Variants in SLC12A9 observed in about 807,000 individuals in gnomAD.
SLC12A9 encodes CCC-interacting protein 1.
SLC12A9 carries 55 observed loss-of-function variants against 66.0 expected under a neutral mutation model. The ratio of observed to expected loss-of-function variants is 0.83; its 90% CI spans 0.67 to 1.04. SLC12A9 has a LOEUF of 1.04. Ranked by LOEUF, SLC12A9 falls within the 50% of genes least tolerant of loss-of-function variation. The pLI is 0.00. For missense variants in SLC12A9, 1,061 were observed against 1,241.9 expected, an observed-to-expected ratio of 0.85 and a Z score of 2.19; for synonymous variants, 577 against 569.0, an observed-to-expected ratio of 1.01 and a Z score of -0.20.
In SLC12A9 at chr7:100,862,700, T is replaced by G; in HGVS notation, c.1731T>G (p.Pro577=). The stretch of plus-strand genomic sequence containing the variant: ...CTGTAGACTCCCTGCCCTCGGACCC[T>G]GTACAGCCGCAGTATGGGGCATGGC... ...LGDLDSLPSD[P]VQPQYGAWLS... The change falls in exon 13 of 14, where the codon CCT becomes CCG. Residue 577 remains proline, a synonymous_variant. Coordinates refer to ENST00000354161, the MANE Select transcript of SLC12A9 (RefSeq NM_020246.4). The G allele has an allele frequency of 1.2e-6, 2 of 1,614,230 alleles. No homozygotes were observed. The highest frequency in any genetic ancestry group is 1.7e-6 in the Non-Finnish European group (2 of 1,180,046).
chr7:100,852,266 G>C (rs893286729), upstream of SLC12A9, among the ~76,000 whole-genome samples: 2 of 152,212 alleles, frequency 1.3e-5, no homozygotes, highest in African/African-American at 4.8e-5. Context: ...TCCCCGCAGC[G>C]GGTGAGGGGC....
rs371554947 is a variant in SLC12A9 at position 100,856,890 on chromosome 7, C to A, written c.471C>A (p.Leu157=). The change falls in exon 5 of 14, where the codon CTC becomes CTA. Residue 157 remains leucine, a synonymous_variant. Coordinates refer to ENST00000354161, the MANE Select transcript of SLC12A9 (RefSeq NM_020246.4). ...CAGATGCCACAGGGCCCAGTGGGCT[C>A]CGGGTCCTGCCCCAGGGCTACGGCT... ...FGADATGPSG[L]RVLPQGYGWN... is the part of the protein sequence containing the mutation. 6.2e-7 allele frequency: 1 copy of A among 1,604,392 alleles called. No individual in the cohort carries two copies. The highest frequency in any genetic ancestry group is 2.2e-5 in the East Asian group (1 of 44,810).
chr7:100,854,276 G>A lies in SLC12A9; in HGVS notation c.79G>A (p.Gly27Arg), dbSNP rs200048794. ...EGVALPANGA[G>R]GPGGASARKL... ...GGTTGCCCTCCCTGCCAATGGGGCC[G>A]GGGGTCCTGGAGGGGCGTCTGCCCG... is the stretch of plus-strand genomic sequence containing the variant. Residue 27 changes from glycine to arginine, a missense_variant, in exon 2 of 14, where the codon GGG becomes AGG. Coordinates refer to ENST00000354161, the MANE Select transcript of SLC12A9 (RefSeq NM_020246.4). 22 of 1,593,692 alleles carry A rather than the reference G, an allele frequency of 1.4e-5. No individual in the cohort carries two copies. The highest frequency in any genetic ancestry group is 6.7e-5 in the East Asian group (3 of 44,628).
upstream of SLC12A9, among the ~76,000 whole-genome samples, chr7:100,849,217 G>A (rs1443844527): frequency 4.0e-5 from 6 of 150,572 alleles, no homozygotes; most frequent in South Asian, 2.2e-4. Flanking sequence ...GTGAGCCACC[G>A]TGCCCAGCCT....
At chr7:100,854,062 C>T (rs577786728) in intron 1 of SLC12A9, 94 bp from the exon 2 acceptor site, 5 of 793,572 alleles carry the variant, frequency 6.3e-6, no homozygotes, top group Non-Finnish European at 9.5e-6. Flanking sequence ...GCAGCTCTGT[C>T]TTTTGGGGAG....
Position 100,858,512 on chromosome 7 carries a change from C to T in SLC12A9, c.758-323C>T, listed in dbSNP as rs777744867. On this transcript the variant is annotated intron_variant, in intron 5 of 13. Transcript: ENST00000354161. ...GACTGAGGCAGGAGGATCGCTCTAG[C>T]CCAGGAGGTAGAGGTTGCAGTGAGC... 7.2e-5 allele frequency: 18 copies of T among 251,012 alleles called. No individual in the cohort carries two copies. The East Asian group carries it at 1.2e-3, about 17-fold the overall frequency. 15.5% of individuals were successfully genotyped at this position (251,012 alleles called of 1,614,324 possible).
At chr7:100,860,737 C>T in intron 9 of SLC12A9, 2 of 383,418 alleles carry the variant, frequency 5.2e-6, no homozygotes, top group Non-Finnish European at 1.0e-5. Context: ...TTCATTGACA[C>T]TTTGGGGTGC....
intron 1 of SLC12A9, among the ~76,000 whole-genome samples, chr7:100,842,994 G>T (rs1584682084): frequency 6.6e-6 from 1 of 152,230 alleles, no homozygotes; most frequent in South Asian, 2.1e-4. Flanking sequence ...CTACAGGGAG[G>T]AAACTTAGCA....
chr7:100,835,688 CAAA>C (rs922075164), intron 1 of SLC12A9, among the ~76,000 whole-genome samples: 1 of 152,068 alleles, frequency 6.6e-6, no homozygotes, highest in Non-Finnish European at 1.5e-5. Flanking sequence ...CACACATACA[CAAA>C]AGAGTGTGAT....
chr7:100,850,524 G>A (rs1814042324), upstream of SLC12A9, among the ~76,000 whole-genome samples: 1 of 151,794 alleles, frequency 6.6e-6, no homozygotes, highest in African/African-American at 2.4e-5. Flanking sequence ...ACAGGTGCAA[G>A]CTACTACACC....
In SLC12A9 at chr7:100,866,495, G is replaced by T. The variant is rs751285099; in HGVS notation, c.2635G>T (p.Asp879Tyr). Residue 879 changes from aspartate to tyrosine, a missense_variant, in exon 14 of 14, where the codon GAT (aspartate) becomes TAT (tyrosine). Asp to Tyr is a radical substitution (Grantham distance 160). Transcript: ENST00000354161. The surrounding 1 kb of genome is among the most constrained non-coding windows in gnomAD (Gnocchi z 7.3). ...CCTGTACTTGCCTCGGCCGCCAGCC[G>T]ATCCCGCCCGATACCCCCGCTACCT... is the stretch of plus-strand genomic sequence containing the variant. Reference protein sequence around the residue: ...TFLYLPRPPADPARYPRYLAL... With the variant: ...TFLYLPRPPAYPARYPRYLAL... The T allele has an allele frequency of 2.6e-6, 4 of 1,560,402 alleles. No homozygotes were observed. The highest frequency in any genetic ancestry group is 2.7e-5 in the African/African-American group (2 of 73,734).
intron 1 of SLC12A9, among the ~76,000 whole-genome samples, chr7:100,841,776 T>TA (rs1414585514): frequency 1.3e-5 from 2 of 151,934 alleles, no homozygotes; most frequent in Admixed American, 6.6e-5. Context: ...TTGTTAAATG[T>TA]AAAAAAAATT....
At chr7:100,863,851 C>A (rs934325065) in intron 13 of SLC12A9, among the ~76,000 whole-genome samples, 3 of 152,188 alleles carry the variant, frequency 2.0e-5, no homozygotes, top group Non-Finnish European at 4.4e-5. Flanking sequence ...CAGTGTAAAT[C>A]AGAACCCTGG....
chr7:100,848,758 A>G (rs1026667447), upstream of SLC12A9, among the ~76,000 whole-genome samples: 2 of 150,066 alleles, frequency 1.3e-5, no homozygotes, highest in African/African-American at 2.4e-5. Context: ...TGGTGGCGGG[A>G]GCCTGTAGTC....
At chr7:100,838,289 T>C (rs1456437916) in intron 1 of SLC12A9, among the ~76,000 whole-genome samples, 1 of 152,126 alleles carries the variant, frequency 6.6e-6, no homozygotes, top group African/African-American at 2.4e-5. Flanking sequence ...CACCCAGCCA[T>C]GTGGTTCAAT....
intron 7 of SLC12A9, chr7:100,859,569 G>A (rs114268463): frequency 0.046 from 18,042 of 390,304 alleles, 580 homozygotes; most frequent in Middle Eastern, 0.098. Context: ...AAATTAGCCA[G>A]GTGTGATGGC....
upstream of SLC12A9, among the ~76,000 whole-genome samples, chr7:100,851,548 T>A (rs1171752456): frequency 6.7e-6 from 1 of 148,786 alleles, no homozygotes; most frequent in African/African-American, 2.5e-5. Context: ...CTCAGCCTCC[T>A]AAGTAGCTGG....
At chr7:100,854,843 G>C in intron 3 of SLC12A9, 89 bp downstream of exon 3, 1 of 1,532,300 alleles carries the variant, frequency 6.5e-7, no homozygotes, top group Admixed American at 2.0e-5. Flanking sequence ...TTGGCTCAGG[G>C]GCAAGACAAG....
chr7:100,865,898 C>T lies in SLC12A9; in HGVS notation c.2038C>T (p.Pro680Ser). Reference protein sequence around the residue: ...RAPGSPRALNPQDYVATVADA... With the variant: ...RAPGSPRALNSQDYVATVADA... ...TCCTGGGAGCCCCCGGGCCCTCAAT[C>T]CCCAGGACTATGTGGCCACGGTGGC... The change falls in exon 14 of 14, where the codon CCC (proline) becomes TCC (serine). Residue 680 changes from proline to serine, a missense_variant. Physicochemically the swap from Pro to Ser is moderately conservative, Grantham distance 74. Coordinates refer to ENST00000354161, the MANE Select transcript of SLC12A9 (RefSeq NM_020246.4). The T allele has an allele frequency of 1.2e-6, 2 of 1,613,684 alleles. No homozygotes were observed. Among genetic ancestry groups the T allele is most frequent in the Non-Finnish European group, 8.5e-7 (1 of 1,180,004 alleles).
Sources: gnomAD v4.1 joint callset for allele counts (sites outside exome capture counted in the v4.1 genomes callset) on GRCh38, gnomAD v4.1.1 for gene constraint, Gnocchi (gnomAD v3.1) non-coding constraint, MANE v1.5 for transcripts, NCBI Gene and HGNC (gene_info 2026-07-23, HGNC 2026-07-21) for gene names.